INTS1: variants seen among roughly 807,000 people sequenced by gnomAD.
The protein encoded by INTS1 is integrator complex subunit 1.
A neutral mutation model predicts 241.6 loss-of-function variants in INTS1; 137 were observed. The ratio of observed to expected loss-of-function variants is 0.57; its 90% CI spans 0.49 to 0.65. The LOEUF (loss-of-function observed/expected upper bound fraction) is 0.65. Among genes scored for constraint, INTS1 ranks in the 30% least tolerant of loss-of-function variants. The pLI, the probability that INTS1 is intolerant of heterozygous loss-of-function variation, is 0.00. For synonymous variants in INTS1, 1,692 were observed against 1,337.8 expected, an observed-to-expected ratio of 1.26 and a Z score of -5.78; for missense variants, 3,073 against 3,032.2, an observed-to-expected ratio of 1.01 and a Z score of -0.32.
At chr7:1,490,869 C>T (rs1412834022) in intron 16 of INTS1, among the ~76,000 whole-genome samples, 1 of 152,224 alleles carries the variant, frequency 6.6e-6, no homozygotes, top group Non-Finnish European at 1.5e-5. Context: ...GACGTGCAGA[C>T]GGACAGAATG....
chr7:1,471,717 A>AG, intron 44 of INTS1, 76 bp from the exon 45 acceptor site: 1 of 1,412,356 alleles, frequency 7.1e-7, no homozygotes, highest in Non-Finnish European at 1.0e-6. Flanking sequence ...AGCCACCCAG[A>AG]GGGGGCAAGG....
chr7:1,496,842 C>T (rs1414561404), intron 11 of INTS1, among the ~76,000 whole-genome samples: 4 of 152,206 alleles, frequency 2.6e-5, no homozygotes, highest in Non-Finnish European at 5.9e-5. Flanking sequence ...CAGCCCGCAG[C>T]CCCACCCTGC....
Position 1,485,382 on chromosome 7 carries a change from C to G in INTS1, c.3064G>C (p.Val1022Leu). The G allele has an allele frequency of 6.2e-7, 1 of 1,612,794 alleles. No homozygotes were observed. Among genetic ancestry groups the G allele is most frequent in the Non-Finnish European group, 8.5e-7 (1 of 1,179,816 alleles). The change falls in exon 23 of 48, where the codon GTG becomes CTG. Residue 1022 changes from valine (V) to leucine (L), a missense_variant. Coordinates refer to ENST00000404767, the MANE Select transcript of INTS1 (RefSeq NM_001080453.3). Reference protein sequence around the residue: ...PMEEDVGDTDVLQGYQWLLRD... With the variant: ...PMEEDVGDTDLLQGYQWLLRD... ...AGCAGCCACTGATAGCCCTGCAGCA[C>G]ATCTGTGTCCCCCACATCCTCCTCC...
chr7:1,483,886 G>A (rs1439320444), intron 25 of INTS1, 33 bp from the exon 26 acceptor site: 4 of 1,596,412 alleles, frequency 2.5e-6, no homozygotes, highest in Non-Finnish European at 3.4e-6. Context: ...AGGCCGTAAG[G>A]TTCAGGGACC....
intron 3 of INTS1, among the ~76,000 whole-genome samples, chr7:1,501,527 G>A (rs1055054282): frequency 9.2e-5 from 14 of 152,080 alleles, no homozygotes; most frequent in African/African-American, 2.9e-4. Flanking sequence ...ATACTATAAA[G>A]TGATCTACCA....
At chr7:1,477,044 C>T (rs745436767) in intron 35 of INTS1, 126 bp from the exon 36 acceptor site, 112 of 1,220,638 alleles carry the variant, frequency 9.2e-5, no homozygotes, top group Non-Finnish European at 1.2e-4. Flanking sequence ...CCGGTAACAC[C>T]GGCCCCGTCA....
At position 1,477,546 on chromosome 7, in the gene INTS1, C is replaced by A. The variant is rs1584263695; in HGVS notation, c.4938+4G>T. ...TCCCCGTGCTGAAGCTGGGTGCCAC[C>A]CACCTTCCTCCGGGAGAAGAGCAGC... is the stretch of plus-strand genomic sequence containing the variant. On this transcript the variant is annotated splice_donor_region_variant and intron_variant, in intron 35 of 47. Transcript: ENST00000404767. The A allele has an allele frequency of 2.0e-6, 3 of 1,509,182 alleles. No individual in the cohort carries two copies. Among genetic ancestry groups the A allele is most frequent in the Middle Eastern group, 2.3e-4 (1 of 4,332 alleles). The allele number at this position is 1,509,182 out of a possible 1,614,324, so 93.5% of individuals were successfully genotyped here.
At position 1,471,565 on chromosome 7, in the gene INTS1, G is replaced by A. The variant is rs117597074; in HGVS notation, c.6255+6C>T. 10,373 of 1,611,950 alleles carry A rather than the reference G, an allele frequency of 6.4e-3. 57 individuals carry two copies. The highest frequency in any genetic ancestry group is 0.014 in the Middle Eastern group (87 of 6,056). On this transcript the variant is annotated splice_donor_region_variant and intron_variant, in intron 45 of 47. Coordinates refer to ENST00000404767, the MANE Select transcript of INTS1 (RefSeq NM_001080453.3). ...CCCAGCTCTCCCTCAGCCCCATCCAGCTCACCGAGAAGAAGCTCAGGATCT... is the reference window on the plus strand; with the variant it reads ...CCCAGCTCTCCCTCAGCCCCATCCAACTCACCGAGAAGAAGCTCAGGATCT...
At chr7:1,488,769 A>G (rs1411979374) in intron 18 of INTS1, among the ~76,000 whole-genome samples, 1 of 152,170 alleles carries the variant, frequency 6.6e-6, no homozygotes, top group East Asian at 1.9e-4. Flanking sequence ...CCCAGAGCTC[A>G]TCGGCCCTCG....
chr7:1,489,716 C>A (rs761540285), intron 16 of INTS1, 34 bp from the exon 17 acceptor site: 19 of 1,409,698 alleles, frequency 1.3e-5, no homozygotes, highest in Admixed American at 2.5e-5. Context: ...TCAGGCCCAG[C>A]GCACCAAGCT....
At chr7:1,498,943 G>GGGGCCCCCCCCCCCCCCCCC in intron 8 of INTS1, 32 bp downstream of exon 8, 2 of 1,070,748 alleles carry the variant, frequency 1.9e-6, no homozygotes, top group Non-Finnish European at 2.5e-6. Context: ...CCCACCCCCT[G>GGGGCCCCCCCCCCCCCCCCC]CCCCGCCCAC....
Position 1,481,219 on chromosome 7 carries a change from G to T in INTS1, c.3850+123C>A. The T allele has an allele frequency of 8.9e-7, 1 of 1,125,888 alleles. No individual in the cohort carries two copies. The highest frequency in any genetic ancestry group is 1.3e-6 in the Non-Finnish European group (1 of 767,510). The allele number at this position is 1,125,888 out of a possible 1,614,324, so 69.7% of individuals were successfully genotyped here. The stretch of plus-strand genomic sequence containing the variant: ...CCCACAGGTCTAAGCCTGCCCTCGA[G>T]TGCCACCCACACCCACCCGACCTCG... On this transcript the variant is annotated intron_variant, in intron 28 of 47. Coordinates refer to ENST00000404767, the MANE Select transcript of INTS1 (RefSeq NM_001080453.3). The surrounding 1 kb of genome is among the most constrained non-coding windows in gnomAD (Gnocchi z 6.8).
intron 25 of INTS1, 43 bp downstream of exon 25, chr7:1,483,960 G>A (rs375893215): frequency 6.3e-7 from 1 of 1,590,038 alleles, no homozygotes; most frequent in Non-Finnish European, 8.6e-7. Flanking sequence ...CCCAGCCGTA[G>A]ACCTCCTCGC....
At chr7:1,472,215 G>A (rs772988615) in intron 44 of INTS1, 58 bp downstream of exon 44, 50 of 1,307,176 alleles carry the variant, frequency 3.8e-5, no homozygotes, top group East Asian at 7.5e-5. Flanking sequence ...GCTGCTGCCC[G>A]CAGCCCCATG....
Position 1,471,592 on chromosome 7 carries a change from G to T in INTS1, c.6234C>A (p.Pro2078=), listed in dbSNP as rs766880476. Residue 2078 remains proline, a synonymous_variant, in exon 45 of 48, where the codon CCC becomes CCA. Coordinates refer to ENST00000404767, the MANE Select transcript of INTS1 (RefSeq NM_001080453.3). ...TCACCGAGAAGAAGCTCAGGATCTC[G>T]GGTCTCCGCCGGGACATCTCGTCTA... ...SDIDEMSRRR[P]EILSFFSTNL... 1.2e-6 allele frequency: 2 copies of T among 1,612,362 alleles called. No homozygotes were observed. The highest frequency in any genetic ancestry group is 1.7e-6 in the Non-Finnish European group (2 of 1,179,780).
chr7:1,483,053 CCACAGGCCCAGGCCCA>C, intron 26 of INTS1: 2 of 270,242 alleles, frequency 7.4e-6, no homozygotes. Flanking sequence ...CTGGGAAACC[CCACAGGCCCAGGCCCA>C]CACAGGGCCA....
chr7:1,494,650 A>T, intron 14 of INTS1, 166 bp downstream of exon 14: 1 of 685,200 alleles, frequency 1.5e-6, no homozygotes, highest in Non-Finnish European at 2.5e-6. Flanking sequence ...CCAGCATGGG[A>T]GTGGGAGAAG....
At chr7:1,477,067 G>C in intron 35 of INTS1, 149 bp from the exon 36 acceptor site, 1 of 1,004,618 alleles carries the variant, frequency 1.0e-6, no homozygotes, top group Non-Finnish European at 1.4e-6. Context: ...GTGCTGGAGG[G>C]CCGCTCCTGG....
At chr7:1,494,002 C>A (rs1038227103) in intron 14 of INTS1, 91 bp from the exon 15 acceptor site, 2 of 1,438,076 alleles carry the variant, frequency 1.4e-6, no homozygotes, top group African/African-American at 1.4e-5. Context: ...CCCTCAGAGC[C>A]CACGGGCTGG....
Sources: gnomAD v4.1 joint callset for allele counts (sites outside exome capture counted in the v4.1 genomes callset) on GRCh38, gnomAD v4.1.1 for gene constraint, Gnocchi (gnomAD v3.1) non-coding constraint, MANE v1.5 for transcripts, NCBI Gene and HGNC (gene_info 2026-07-23, HGNC 2026-07-21) for gene names.